MYO1G: variants seen among roughly 807,000 people sequenced by gnomAD.
The protein encoded by MYO1G is myosin IG.
A neutral mutation model predicts 115.3 loss-of-function variants in MYO1G; 65 were observed. That is an observed-to-expected ratio of 0.56 (90% CI 0.46 to 0.69). The LOEUF (loss-of-function observed/expected upper bound fraction) is 0.69, where lower values mean the gene tolerates loss of function less well. MYO1G is among the 30% of genes least tolerant of loss of function. The pLI is 0.00. For synonymous variants in MYO1G, 510 were observed against 552.6 expected (o/e 0.92, Z 1.08); for missense variants, 1,204 against 1,393.5 (o/e 0.86, Z 2.16).
In MYO1G at chr7:44,962,972, C is replaced by T; in HGVS notation, c.2898G>A (p.Gln966=). ...GCTACCGCCCAGCCTGCACTCACCC[C>T]TGGCAGTGTGCGGCCAGCACGCCCA... ...ELVGVLAAHC[Q]GEGRTLEVRV... The change falls in exon 21 of 22, where the codon CAG becomes CAA. Residue 966 remains glutamine, a splice_region_variant and synonymous_variant. Transcript: ENST00000258787. This position sits in a 1 kb window ranked among gnomAD's most constrained non-coding sequence, Gnocchi z 5.3. 6.5e-7 allele frequency: 1 copy of T among 1,532,724 alleles called. No individual in the cohort carries two copies. The highest frequency in any genetic ancestry group is 8.7e-7 in the Non-Finnish European group (1 of 1,143,874). The allele number at this position is 1,532,724 out of a possible 1,614,324, so 94.9% of individuals were successfully genotyped here.
Position 44,963,011 on chromosome 7 carries a change from G to A in MYO1G, c.2859C>T (p.Arg953=). 1 of 1,533,172 alleles carries A rather than the reference G, an allele frequency of 6.5e-7. No individual in the cohort carries two copies. Among genetic ancestry groups the A allele is most frequent in the East Asian group, 2.5e-5 (1 of 40,098 alleles). The allele number at this position is 1,533,172 out of a possible 1,614,324, so 95.0% of individuals were successfully genotyped here. ...CCAGCACGCCCACCAGCTCCCCAAC[G>A]CGGTTGTCCAATGGCGGCCGGGAGC... The part of the protein sequence containing the change: ...LHRSRPPLDN[R]VGELVGVLAA... The change falls in exon 21 of 22, where the codon CGC becomes CGT. Residue 953 remains arginine (R), a synonymous_variant. Coordinates refer to ENST00000258787, the MANE Select transcript of MYO1G (RefSeq NM_033054.3). This position sits in a 1 kb window ranked among gnomAD's most constrained non-coding sequence, Gnocchi z 4.1.
chr7:44,964,618 C>T lies in MYO1G; in HGVS notation c.2527-99G>A. 9.7e-7 allele frequency: 1 copy of T among 1,028,824 alleles called. No homozygotes were observed. Among genetic ancestry groups the T allele is most frequent in the Non-Finnish European group, 1.5e-6 (1 of 661,768 alleles). The allele number at this position is 1,028,824 out of a possible 1,614,324, so 63.7% of individuals were successfully genotyped here. A position where few individuals can be genotyped will look rare whatever the true frequency, so the allele number is the denominator to read the frequency against. On this transcript the variant is annotated intron_variant, in intron 18 of 21. Coordinates refer to ENST00000258787, the MANE Select transcript of MYO1G (RefSeq NM_033054.3). This position sits in a 1 kb window ranked among gnomAD's most constrained non-coding sequence, Gnocchi z 5.1. ...TCTGTGAATCAGCATAGCTATCCTT[C>T]ATCTCGGGAAACTGAGTCACACAGA...
chr7:44,965,772 C>T lies in MYO1G; in HGVS notation c.2246G>A (p.Arg749Gln), dbSNP rs745931480. ...CCGCTGCAGCTCAGCCAGGTGAGCC[C>T]GCACCTTGTGTCTCCGGAACCAGCG... ...IMRWFRRHKV[R>Q]AHLAELQRRF... Residue 749 changes from arginine (R) to glutamine (Q), a missense_variant, in exon 17 of 22, where the codon CGG becomes CAG. Transcript: ENST00000258787. The T allele has an allele frequency of 6.8e-6, 11 of 1,607,648 alleles. No individual in the cohort carries two copies. The highest frequency in any genetic ancestry group is 4.0e-5 in the African/African-American group (3 of 74,898).
At chr7:44,976,427 A>G in intron 3 of MYO1G, 137 bp downstream of exon 3, 2 of 795,516 alleles carry the variant, frequency 2.5e-6, no homozygotes, top group Non-Finnish European at 4.1e-6. Context: ...TTATCTGGAA[A>G]CTTCCCAAGT....
In MYO1G at chr7:44,976,798, T is replaced by C. The variant is rs900678221; in HGVS notation, c.304+65A>G. ...ACACAGGGCACAGGAGATGCTCTAATGGCCCTCCCAAATGTTCACAAATGA... is the reference window on the plus strand; with the variant it reads ...ACACAGGGCACAGGAGATGCTCTAACGGCCCTCCCAAATGTTCACAAATGA... On this transcript the variant is annotated intron_variant, in intron 2 of 21. Transcript: ENST00000258787. The C allele has an allele frequency of 5.0e-6, 8 of 1,589,322 alleles. No homozygotes were observed. The African/African-American group carries it at 6.7e-5, about 13-fold the overall frequency.
intron 14 of MYO1G, 26 bp downstream of exon 14, chr7:44,967,579 C>G: frequency 1.2e-6 from 2 of 1,613,318 alleles, no homozygotes; most frequent in Non-Finnish European, 1.7e-6. Context: ...CCGGAACAGC[C>G]AGAGTGGGAG....
intron 5 of MYO1G, chr7:44,972,529 GAT>G (rs1305104792): frequency 2.6e-6 from 1 of 380,908 alleles, no homozygotes; most frequent in East Asian, 6.1e-5. Context: ...GACCCAGGGG[GAT>G]CCCACCTCAG....
rs764660208 is a variant in MYO1G, at chr7:44,970,132, A to G, written c.1240T>C (p.Tyr414His). 1.9e-6 allele frequency: 3 copies of G among 1,613,560 alleles called. No homozygotes were observed. The Admixed American group carries it at 5.0e-5, about 27-fold the overall frequency. The change falls in exon 10 of 22, where the codon TAC becomes CAC. Residue 414 changes from tyrosine (Y) to histidine (H), a missense_variant. Coordinates refer to ENST00000258787, the MANE Select transcript of MYO1G (RefSeq NM_033054.3). ...VNSFEQFCIN[Y>H]CNEKLQQLFI... ...AGCTGCTGCAGCTTCTCGTTGCAGT[A>G]GTTGATGCAGAACTGCTCGAAACTG...
In MYO1G at chr7:44,966,841, G is replaced by T. The variant is rs771476299; in HGVS notation, c.1783-3C>A. The T allele has an allele frequency of 6.9e-6, 11 of 1,601,766 alleles. No homozygotes were observed. The highest frequency in any genetic ancestry group is 9.4e-6 in the Non-Finnish European group (11 of 1,172,980). On this transcript the variant is annotated splice_polypyrimidine_tract_variant and splice_region_variant and intron_variant, in intron 14 of 21. Transcript: ENST00000258787. The surrounding 1 kb of genome is among the most constrained non-coding windows in gnomAD (Gnocchi z 5.0). ...ATGCAGCGGACGTAGAAGGGCTCCTGCAGGGACAGAGGGGACTTGGAGAGG... is the reference window on the plus strand; with the variant it reads ...ATGCAGCGGACGTAGAAGGGCTCCTTCAGGGACAGAGGGGACTTGGAGAGG...
chr7:44,970,703 T>C lies in MYO1G; in HGVS notation c.1106A>G (p.Asn369Ser), dbSNP rs1400235540. ...VYQRLFEWVV[N>S]RINSVMEPRG... is the part of the protein sequence containing the mutation. ...GGGTTCCATGACACTGTTGATCCTG[T>C]TCACCACCCACTCAAACAGCCGCTG... The change falls in exon 9 of 22, where the codon AAC becomes AGC. Residue 369 changes from asparagine to serine, a missense_variant. Physicochemically the swap from Asn to Ser is conservative, Grantham distance 46. Coordinates refer to ENST00000258787, the MANE Select transcript of MYO1G (RefSeq NM_033054.3). The C allele has an allele frequency of 6.2e-7, 1 of 1,613,830 alleles. No homozygotes were observed. The highest frequency in any genetic ancestry group is 1.3e-5 in the African/African-American group (1 of 74,902).
chr7:44,970,888 CTA>C lies in MYO1G; in HGVS notation c.1016_1017del (p.Ile339ArgfsTer8), dbSNP rs1794945025. 1 of 1,613,602 alleles carries C rather than the reference CTA, an allele frequency of 6.2e-7. No homozygotes were observed. Among genetic ancestry groups the C allele is most frequent in the African/African-American group, 1.3e-5 (1 of 75,064 alleles). ...RTVASGGREL[I>X]EKGHTAAEAS... ...GCCTCAGCTGCAGTGTGGCCCTTCTCTATGAGTTCCCTGCCTCCCGAGGCAAC... is the reference window on the plus strand; with the variant it reads ...GCCTCAGCTGCAGTGTGGCCCTTCTCTGAGTTCCCTGCCTCCCGAGGCAAC... On this transcript the variant is annotated frameshift_variant, in exon 8 of 22. Transcript: ENST00000258787. LOFTEE classifies it high-confidence loss of function.
rs747189672 is a variant in MYO1G, at chr7:44,963,720, A to T, written c.2745+329T>A. The T allele has an allele frequency of 3.0e-6, 1 of 337,646 alleles. No individual in the cohort carries two copies. Among genetic ancestry groups the T allele is most frequent in the Non-Finnish European group, 5.5e-6 (1 of 180,326 alleles). 20.9% of individuals were successfully genotyped at this position (337,646 alleles called of 1,614,324 possible). A position where few individuals can be genotyped will look rare whatever the true frequency, so the allele number is the denominator to read the frequency against. ...CGGTATCCCACAGGAGGCCCAGAAC[A>T]TTGTGGTGGGTACTCAGGTCCCAGA... On this transcript the variant is annotated intron_variant, in intron 20 of 21. Coordinates refer to ENST00000258787, the MANE Select transcript of MYO1G (RefSeq NM_033054.3). The surrounding 1 kb of genome is among the most constrained non-coding windows in gnomAD (Gnocchi z 4.1).
chr7:44,971,046 A>G lies in MYO1G; in HGVS notation c.860T>C (p.Phe287Ser). The change falls in exon 8 of 22, where the codon TTT (phenylalanine) becomes TCT (serine). Residue 287 changes from phenylalanine to serine, a missense_variant. Transcript: ENST00000258787. Reference sequence around the variant, plus strand: ...CAGCCCACCCTCCTCCGTCTCCACAAACTCGATGTTTCCCTGGTGATGGGA... The same window carrying G: ...CAGCCCACCCTCCTCCGTCTCCACAGACTCGATGTTTCCCTGGTGATGGGA... ...AAILHLGNIE[F>S]VETEEGGLQK... 6.2e-7 allele frequency: 1 copy of G among 1,610,818 alleles called. No individual in the cohort carries two copies.
Position 44,975,593 on chromosome 7 carries a change from C to A in MYO1G, c.455G>T (p.Arg152Leu), listed in dbSNP as rs138665059. The A allele has an allele frequency of 6.2e-7, 1 of 1,613,742 alleles. No homozygotes were observed. The highest frequency in any genetic ancestry group is 1.3e-5 in the African/African-American group (1 of 74,930). ...GCTGGAGTTGTGATTGCGGTTGGTG[C>A]GGGCATTGCCAAAGGCCTCCAGCAC... is the stretch of plus-strand genomic sequence containing the variant. Reference protein sequence around the residue: ...TCVLEAFGNARTNRNHNSSRF... With the variant: ...TCVLEAFGNALTNRNHNSSRF... The change falls in exon 4 of 22, where the codon CGC (arginine) becomes CTC (leucine). Residue 152 changes from arginine (R) to leucine (L), a missense_variant. Arg to Leu is a moderately radical substitution (Grantham distance 102). Transcript: ENST00000258787.
rs1218468881 is a variant in MYO1G at position 44,966,448 on chromosome 7, G to A, written c.1950-168C>T. The A allele has an allele frequency of 7.4e-6, 6 of 812,208 alleles. No individual in the cohort carries two copies. Among genetic ancestry groups the A allele is most frequent in the Admixed American group, 4.0e-5 (2 of 50,118 alleles). The allele number at this position is 812,208 out of a possible 1,614,324, so 50.3% of individuals were successfully genotyped here. A position where few individuals can be genotyped will look rare whatever the true frequency, so the allele number is the denominator to read the frequency against. On this transcript the variant is annotated intron_variant, in intron 15 of 21. Coordinates refer to ENST00000258787, the MANE Select transcript of MYO1G (RefSeq NM_033054.3). The surrounding 1 kb of genome is among the most constrained non-coding windows in gnomAD (Gnocchi z 5.0). ...CCCATACACATGTCCTCACATACAT[G>A]TCCTCACACAGCCCTCATACCCATG...
In MYO1G at chr7:44,978,759, C is replaced by T. The variant is rs1215229753; in HGVS notation, c.95+108G>A. Reference sequence around the variant, plus strand: ...GTCTGGGTGGGTGTGTGCCACTGCCCCCTCCCTTGGACAGCAGCGTGCCTT... The same window carrying T: ...GTCTGGGTGGGTGTGTGCCACTGCCTCCTCCCTTGGACAGCAGCGTGCCTT... On this transcript the variant is annotated intron_variant, in intron 1 of 21. Transcript: ENST00000258787. The T allele has an allele frequency of 6.6e-6, 7 of 1,053,090 alleles. No homozygotes were observed. In the Admixed American group the frequency reaches 9.6e-5, roughly 14 times the overall value. The allele number at this position is 1,053,090 out of a possible 1,614,324, so 65.2% of individuals were successfully genotyped here. A position where few individuals can be genotyped will look rare whatever the true frequency, so the allele number is the denominator to read the frequency against.
At position 44,972,510 on chromosome 7, in the gene MYO1G, A is replaced by G. The variant is rs534389505; in HGVS notation, c.619-285T>C. The G allele has an allele frequency of 1.9e-5, 8 of 415,176 alleles. No individual in the cohort carries two copies. In the East Asian group the frequency reaches 4.2e-4, roughly 22 times the overall value. The allele number at this position is 415,176 out of a possible 1,614,324, so 25.7% of individuals were successfully genotyped here. A position where few individuals can be genotyped will look rare whatever the true frequency, so the allele number is the denominator to read the frequency against. On this transcript the variant is annotated intron_variant, in intron 5 of 21. Coordinates refer to ENST00000258787, the MANE Select transcript of MYO1G (RefSeq NM_033054.3). ...TAGGGAGCTCAGTCCCTGTGGAGAC[A>G]TTGCCCTCGACCCAGGGGGATCCCA...
chr7:44,965,611 A>G, intron 17 of MYO1G, 26 bp downstream of exon 17: 1 of 1,598,152 alleles, frequency 6.3e-7, no homozygotes, highest in Non-Finnish European at 8.6e-7. Context: ...AGCTGAATGG[A>G]ATGTGTGGTG....
In MYO1G at chr7:44,976,880, G is replaced by C. The variant is rs146195000; in HGVS notation, c.287C>G (p.Thr96Ser). The change falls in exon 2 of 22, where the codon ACC becomes AGC. Residue 96 changes from threonine to serine, a missense_variant. Transcript: ENST00000258787. ...ACAGGTACCTGAGATGACGATGCAG[G>C]TGTCCCTGGACCGGTGCTTCATTGC... is the stretch of plus-strand genomic sequence containing the variant. ...YKAMKHRSRD[T>S]CIVISGESGA... 40 of 1,613,310 alleles carry C rather than the reference G, an allele frequency of 2.5e-5. No homozygotes were observed. The Admixed American group carries it at 2.7e-4, about 11-fold the overall frequency.
Sources: allele counts gnomAD v4.1 joint callset, GRCh38; gene constraint gnomAD v4.1.1; non-coding constraint Gnocchi (gnomAD v3.1); transcripts MANE v1.5; gene names NCBI Gene and HGNC (gene_info 2026-07-23, HGNC 2026-07-21).